Variants in ATAD5 observed in about 807,000 individuals in gnomAD.
ATAD5 encodes the protein ATPase family AAA domain containing 5, also known as ATPase family AAA domain-containing protein 5.
Under a neutral mutation model 176.9 loss-of-function variants are expected in ATAD5, and 58 were observed. The ratio of observed to expected loss-of-function variants is 0.33; its 90% confidence interval spans 0.27 to 0.41. The LOEUF (loss-of-function observed/expected upper bound fraction) is 0.41. Ranked by LOEUF, ATAD5 falls within the 10% of genes least tolerant of loss-of-function variation. The pLI, the probability that ATAD5 is intolerant of heterozygous loss-of-function variation, is 1.00. For synonymous variants in ATAD5, 640 were observed against 712.6 expected (o/e 0.90, Z 1.62); for missense variants, 1,789 against 2,094.1 (o/e 0.85, Z 2.84).
intron 18 of ATAD5, 65 bp from the exon 19 acceptor site, chr17:30,887,127 G>T: frequency 7.4e-7 from 1 of 1,349,470 alleles, no homozygotes; most frequent in African/African-American, 1.5e-5. Flanking sequence ...GATACTATTT[G>T]TATGTATTAT....
chr17:30,887,841 A>C (rs1057219735), intron 19 of ATAD5, among the ~76,000 whole-genome samples: 1 of 152,062 alleles, frequency 6.6e-6, no homozygotes, highest in African/African-American at 2.4e-5. Context: ...TTATTTATTT[A>C]TATTTTTTGA....
chr17:30,840,088 C>T (rs1251619824), intron 3 of ATAD5, among the ~76,000 whole-genome samples: 1 of 150,714 alleles, frequency 6.6e-6, no homozygotes, highest in African/African-American at 2.4e-5. Context: ...GTCCCAGCTA[C>T]TTGGGAGGCT....
intron 7 of ATAD5, among the ~76,000 whole-genome samples, 163 bp from the exon 8 acceptor site, chr17:30,856,792 A>G (rs1266716211): frequency 6.6e-6 from 1 of 152,022 alleles, no homozygotes; most frequent in Admixed American, 6.6e-5. Context: ...TATTAATTCT[A>G]TTTGTTGGAG....
intron 3 of ATAD5, among the ~76,000 whole-genome samples, chr17:30,838,036 G>A (rs892602527): frequency 6.6e-6 from 1 of 152,122 alleles, no homozygotes; most frequent in African/African-American, 2.4e-5. Context: ...AGGATGTTTA[G>A]CAACACTCTG....
intron 20 of ATAD5, 41 bp downstream of exon 20, chr17:30,892,829 C>A: frequency 7.0e-7 from 1 of 1,420,278 alleles, no homozygotes; most frequent in Non-Finnish European, 9.5e-7. Context: ...ATTTATATTC[C>A]TTTTCATATT....
At chr17:30,861,648 A>C (rs1314595007) in intron 10 of ATAD5, among the ~76,000 whole-genome samples, 1 of 151,966 alleles carries the variant, frequency 6.6e-6, no homozygotes, top group Non-Finnish European at 1.5e-5. Flanking sequence ...AGTAGCTGGG[A>C]CTACAGGCGC....
chr17:30,890,490 C>T (rs1321252572), intron 19 of ATAD5, among the ~76,000 whole-genome samples: 2 of 140,346 alleles, frequency 1.4e-5, no homozygotes, highest in African/African-American at 5.3e-5. Flanking sequence ...GGCACGATCT[C>T]GGTTTGCTGC....
intron 18 of ATAD5, among the ~76,000 whole-genome samples, chr17:30,883,306 T>C (rs1299945986): frequency 6.6e-6 from 1 of 151,796 alleles, no homozygotes; most frequent in Non-Finnish European, 1.5e-5. Context: ...AAAAATTTTT[T>C]TGTAGAGATG....
chr17:30,888,806 G>A (rs993005258), intron 19 of ATAD5, among the ~76,000 whole-genome samples: 2 of 151,856 alleles, frequency 1.3e-5, no homozygotes, highest in African/African-American at 4.8e-5. Flanking sequence ...AGTGGCTCAC[G>A]CCTGTAATCC....
intron 18 of ATAD5, among the ~76,000 whole-genome samples, chr17:30,884,118 A>G (rs546502266): frequency 1.7e-4 from 26 of 151,376 alleles, no homozygotes; most frequent in African/African-American, 5.8e-4. Context: ...GAATTTGACT[A>G]TGCTAGATAT....
At position 30,835,460 on chromosome 17, in the gene ATAD5, A is replaced by G; in HGVS notation, c.1379A>G (p.Asn460Ser). The part of the protein sequence containing the change: ...SGIQMVSKNG[N>S]LQLHTDKGSF... ...ATCCAAATGGTTTCAAAAAATGGCAATTTACAGTTACACACTGATAAAGGA... is the reference window on the plus strand; with the variant it reads ...ATCCAAATGGTTTCAAAAAATGGCAGTTTACAGTTACACACTGATAAAGGA... Residue 460 changes from asparagine to serine, a missense_variant, in exon 2 of 23, where the codon AAT becomes AGT. Physicochemically the swap from Asn to Ser is conservative, Grantham distance 46. This residue lies in a region of ATAD5 where 696 missense variants were observed against 712.5 expected (regional missense o/e 0.98). Transcript: ENST00000321990. 3.1e-6 allele frequency: 5 copies of G among 1,611,554 alleles called. No homozygotes were observed. Among genetic ancestry groups the G allele is most frequent in the Non-Finnish European group, 4.2e-6 (5 of 1,179,254 alleles).
At chr17:30,879,330 G>A in intron 17 of ATAD5, 93 bp from the exon 18 acceptor site, 1 of 1,445,946 alleles carries the variant, frequency 6.9e-7, no homozygotes, top group Non-Finnish European at 9.5e-7. Flanking sequence ...GGCGGGTGCT[G>A]AATATTTTCA....
chr17:30,884,709 G>A (rs1422869542), intron 18 of ATAD5, among the ~76,000 whole-genome samples: 1 of 150,028 alleles, frequency 6.7e-6, no homozygotes, highest in Non-Finnish European at 1.5e-5. Flanking sequence ...GATTACAGAC[G>A]TGAGCCACCG....
chr17:30,891,161 T>C (rs116730551), intron 19 of ATAD5, among the ~76,000 whole-genome samples: 1,524 of 152,328 alleles, frequency 0.01, 24 homozygotes, highest in African/African-American at 0.034. Context: ...ATTTTGATAG[T>C]TGTTGTCAGA....
At chr17:30,890,367 T>G (rs1909566463) in intron 19 of ATAD5, among the ~76,000 whole-genome samples, 1 of 151,908 alleles carries the variant, frequency 6.6e-6, no homozygotes, top group South Asian at 2.1e-4. Context: ...AGCAAGAAAC[T>G]TTAGAAGACA....
intron 2 of ATAD5, among the ~76,000 whole-genome samples, 192 bp downstream of exon 2, chr17:30,836,240 G>T (rs1177410274): frequency 6.6e-6 from 1 of 151,624 alleles, no homozygotes; most frequent in East Asian, 1.9e-4. Flanking sequence ...GTGCAGTGGG[G>T]CAATCTCGGC....
intron 19 of ATAD5, among the ~76,000 whole-genome samples, chr17:30,890,901 T>TGTTA (rs10638368): frequency 0.23 from 35,640 of 151,916 alleles, 6,342 homozygotes; most frequent in African/African-American, 0.5. Context: ...TTATATATGT[T>TGTTA]GTTATTTTTA....
intron 19 of ATAD5, among the ~76,000 whole-genome samples, chr17:30,889,994 C>T (rs1264353337): frequency 4.7e-5 from 7 of 150,204 alleles, no homozygotes; most frequent in African/African-American, 1.5e-4. Context: ...GGACTCGAGC[C>T]GTCTTCCGCC....
At chr17:30,870,124 GATCT>G (rs1409070508) in intron 14 of ATAD5, among the ~76,000 whole-genome samples, 4 of 151,926 alleles carry the variant, frequency 2.6e-5, no homozygotes, top group Non-Finnish European at 4.4e-5. Context: ...CAAAAAAAAA[GATCT>G]ATTAACTATA....
Sources: gnomAD v4.1 joint callset for allele counts (sites outside exome capture counted in the v4.1 genomes callset) on GRCh38, gnomAD v4.1.1 for gene constraint, gnomAD v4.1.1 regional missense constraint, MANE v1.5 for transcripts, NCBI Gene and HGNC (gene_info 2026-07-23, HGNC 2026-07-21) for gene names.